FNDC3B: variants seen among roughly 807,000 people sequenced by gnomAD.
FNDC3B encodes the protein fibronectin type III domain containing 3B, also known as fibronectin type III domain-containing protein 3B.
In FNDC3B, 12 loss-of-function variants were observed where a neutral mutation model predicts 151.5. The observed-to-expected ratio is 0.08, with a 90% CI of 0.05 to 0.13. The LOEUF (loss-of-function observed/expected upper bound fraction) is 0.13. Among genes scored for constraint, FNDC3B ranks in the 10% least tolerant of loss-of-function variants. FNDC3B has a pLI of 1.00. For synonymous variants in FNDC3B, 528 were observed against 549.0 expected, an observed-to-expected ratio of 0.96 and a Z score of 0.54; for missense variants, 1,214 against 1,505.3, an observed-to-expected ratio of 0.81 and a Z score of 3.20.
At chr3:172,296,788 G>A (rs73031399) in intron 8 of FNDC3B, among the ~76,000 whole-genome samples, 19 of 152,264 alleles carry the variant, frequency 1.2e-4, no homozygotes, top group African/African-American at 4.3e-4. Context: ...ACTTATGCAC[G>A]GATTCCTTGT....
intron 3 of FNDC3B, among the ~76,000 whole-genome samples, chr3:172,197,461 C>CA (rs980626111): frequency 2.6e-5 from 4 of 152,172 alleles, no homozygotes; most frequent in Non-Finnish European, 4.4e-5. Context: ...ACAATACAAC[C>CA]ATCAACATTA....
rs534334603 is a variant in FNDC3B, at chr3:172,242,908, C to A, written c.265-4625C>A. Among the ~76,000 whole-genome samples the A allele has an allele frequency of 5.9e-5, 9 of 152,272 alleles. 1 individual carries two copies. In the South Asian group the frequency reaches 1.9e-3, roughly 32 times the overall value. On this transcript the variant is annotated intron_variant, in intron 4 of 25. Coordinates refer to ENST00000415807, the MANE Select transcript of FNDC3B (RefSeq NM_022763.4). ...TCCGCTTCCCTTATAAAACTTAATG[C>A]CTTTAACAGCACCCAGGTCACCTCT...
intron 15 of FNDC3B, chr3:172,335,844 C>T (rs1451006845): frequency 6.6e-6 from 1 of 151,760 alleles, no homozygotes; most frequent in African/African-American, 2.4e-5. Flanking sequence ...TTTTACCTTG[C>T]AGCCAAGTAA....
intron 3 of FNDC3B, among the ~76,000 whole-genome samples, chr3:172,223,324 A>G (rs182782566): frequency 6.6e-6 from 1 of 152,330 alleles, no homozygotes; most frequent in Non-Finnish European, 1.5e-5. Flanking sequence ...AAAGGAGAGG[A>G]ACTTGGGGTT....
chr3:172,397,701 A>C lies in FNDC3B; in HGVS notation c.*226A>C. 1 of 319,982 alleles carries C rather than the reference A, an allele frequency of 3.1e-6. No individual in the cohort carries two copies. 19.8% of individuals were successfully genotyped at this position (319,982 alleles called of 1,614,324 possible). A position where few individuals can be genotyped will look rare whatever the true frequency, so the allele number is the denominator to read the frequency against. Reference sequence around the variant, plus strand: ...TAAAAAAAAGAAAAAAAAAGAAGAAAAGTATACCAGATACCAAAAGCTAGC... The same window carrying C: ...TAAAAAAAAGAAAAAAAAAGAAGAACAGTATACCAGATACCAAAAGCTAGC... On this transcript the variant is annotated 3_prime_UTR_variant, in exon 26 of 26. Transcript: ENST00000415807.
chr3:172,356,390 C>T (rs1477706696), intron 22 of FNDC3B, among the ~76,000 whole-genome samples: 1 of 152,130 alleles, frequency 6.6e-6, no homozygotes, highest in African/African-American at 2.4e-5. Flanking sequence ...GGTCAGGTAC[C>T]TAGTATGGGG....
At chr3:172,395,613 CA>C (rs955496964) in intron 25 of FNDC3B, among the ~76,000 whole-genome samples, 6 of 151,730 alleles carry the variant, frequency 4.0e-5, no homozygotes, top group Non-Finnish European at 8.8e-5. Flanking sequence ...GGGCTACATC[CA>C]AAAAAAATTC....
In FNDC3B at chr3:172,103,439, G is replaced by T. The variant is rs146627479; in HGVS notation, c.-28-9013G>T. On this transcript the variant is annotated intron_variant, in intron 1 of 25. Transcript: ENST00000415807. ...TATATATATGGATTTTTCTCCCCGAGAAAATAGTGCTTTCCTGTACATTAG... is the reference window on the plus strand; with the variant it reads ...TATATATATGGATTTTTCTCCCCGATAAAATAGTGCTTTCCTGTACATTAG... Among the ~76,000 whole-genome samples the T allele has an allele frequency of 7.3e-3, 1,117 of 152,106 alleles. 12 individuals are homozygous for T. The highest frequency in any genetic ancestry group is 9.1e-3 in the Non-Finnish European group (619 of 67,984).
chr3:172,211,395 C>G (rs1220223414), intron 3 of FNDC3B, among the ~76,000 whole-genome samples: 1 of 152,138 alleles, frequency 6.6e-6, no homozygotes, highest in Non-Finnish European at 1.5e-5. Flanking sequence ...GGACTTATTT[C>G]TGAATTTGAC....
chr3:172,255,752 A>T (rs1265573577), intron 6 of FNDC3B, among the ~76,000 whole-genome samples: 1 of 152,116 alleles, frequency 6.6e-6, no homozygotes, highest in Non-Finnish European at 1.5e-5. Flanking sequence ...ACGTACAGAT[A>T]CCTTGGGGTC....
intron 1 of FNDC3B, among the ~76,000 whole-genome samples, chr3:172,062,519 G>A (rs1029159480): frequency 1.3e-5 from 2 of 152,052 alleles, no homozygotes; most frequent in Non-Finnish European, 2.9e-5. Flanking sequence ...CACTGTGTTA[G>A]CCAAGCTACC....
intron 25 of FNDC3B, among the ~76,000 whole-genome samples, chr3:172,394,833 A>C (rs555692957): frequency 1.1e-4 from 16 of 152,322 alleles, no homozygotes; most frequent in South Asian, 1.0e-3. Flanking sequence ...ATAGATGTAA[A>C]AATCCCCAGT....
chr3:172,315,162 A>G (rs1731715726), intron 11 of FNDC3B, among the ~76,000 whole-genome samples: 2 of 152,172 alleles, frequency 1.3e-5, no homozygotes, highest in South Asian at 4.1e-4. Flanking sequence ...GGATTGCCTG[A>G]GCTCAGGAGT....
chr3:172,084,575 A>C (rs1238476359), intron 1 of FNDC3B, among the ~76,000 whole-genome samples: 1 of 151,990 alleles, frequency 6.6e-6, no homozygotes, highest in African/African-American at 2.4e-5. Flanking sequence ...TATTATTTTC[A>C]CTTTTGTTCA....
intron 14 of FNDC3B, among the ~76,000 whole-genome samples, chr3:172,334,375 A>G (rs536728075): frequency 5.8e-4 from 80 of 138,352 alleles, no homozygotes; most frequent in African/African-American, 2.1e-3. Context: ...AGGTGATGAC[A>G]TACTTGTTTT....
intron 1 of FNDC3B, among the ~76,000 whole-genome samples, chr3:172,093,443 A>G (rs1718942004): frequency 6.6e-6 from 1 of 151,974 alleles, no homozygotes; most frequent in African/African-American, 2.4e-5. Context: ...TATTTTTAGT[A>G]GAGAAGGGGT....
chr3:172,386,305 G>A (rs562373468), intron 25 of FNDC3B, among the ~76,000 whole-genome samples: 1 of 140,698 alleles, frequency 7.1e-6, no homozygotes, highest in African/African-American at 2.5e-5. Flanking sequence ...TCCTATTCAG[G>A]CAGCAATAAC....
intron 22 of FNDC3B, among the ~76,000 whole-genome samples, chr3:172,356,627 G>A (rs1734109273): frequency 6.6e-6 from 1 of 152,184 alleles, no homozygotes; most frequent in African/African-American, 2.4e-5. Flanking sequence ...AGGAGCAGGA[G>A]CTTGGTGGGA....
chr3:172,395,950 C>G (rs1560115747), intron 25 of FNDC3B, among the ~76,000 whole-genome samples: 1 of 152,186 alleles, frequency 6.6e-6, no homozygotes, highest in Non-Finnish European at 1.5e-5. Context: ...AACTCAGACT[C>G]TCGTGCGCAA....
Sources: allele counts gnomAD v4.1 joint callset (sites outside exome capture counted in the v4.1 genomes callset), GRCh38; gene constraint gnomAD v4.1.1; transcripts MANE v1.5; gene names NCBI Gene and HGNC (gene_info 2026-07-23, HGNC 2026-07-21).